ERC2: variants seen among roughly 807,000 people sequenced by gnomAD.
The protein encoded by ERC2 is ELKS/RAB6-interacting/CAST family member 2.
In ERC2, 42 loss-of-function variants were observed where a neutral mutation model predicts 114.8. The ratio of observed to expected loss-of-function variants is 0.37; its 90% CI spans 0.29 to 0.47. ERC2 has a LOEUF of 0.47. ERC2 is among the 20% of genes least tolerant of loss of function. ERC2 has a pLI of 0.99. For missense variants in ERC2, 939 were observed against 1,150.7 expected, an observed-to-expected ratio of 0.82 and a Z score of 2.66; for synonymous variants, 454 against 425.5, an observed-to-expected ratio of 1.07 and a Z score of -0.82.
At position 56,394,207 on chromosome 3, in the gene ERC2, T is replaced by A. The variant is rs569841454; in HGVS notation, c.657+40144A>T. Among the ~76,000 whole-genome samples the A allele has an allele frequency of 3.9e-5, 6 of 152,330 alleles. No homozygotes were observed. The South Asian group carries it at 1.0e-3, about 26-fold the overall frequency. On this transcript the variant is annotated intron_variant, in intron 2 of 17. Transcript: ENST00000288221. ...CCTTACTGTAGGCAAAATAAGCATGTTTAACTCTAAATTATCCAGAATAAA... is the reference window on the plus strand; with the variant it reads ...CCTTACTGTAGGCAAAATAAGCATGATTAACTCTAAATTATCCAGAATAAA...
intron 17 of ERC2, among the ~76,000 whole-genome samples, chr3:55,588,942 G>C (rs1187071475): frequency 6.6e-6 from 1 of 152,040 alleles, no homozygotes; most frequent in African/African-American, 2.4e-5. Flanking sequence ...GACCATTTTG[G>C]GGGTAACCAT....
chr3:55,619,806 G>A (rs1160115412), intron 17 of ERC2, among the ~76,000 whole-genome samples: 1 of 152,140 alleles, frequency 6.6e-6, no homozygotes, highest in Non-Finnish European at 1.5e-5. Flanking sequence ...GCCTGCCAAA[G>A]CACCATAACG....
At chr3:55,881,390 G>A (rs1289382848) in intron 14 of ERC2, among the ~76,000 whole-genome samples, 1 of 152,078 alleles carries the variant, frequency 6.6e-6, no homozygotes, top group Non-Finnish European at 1.5e-5. Flanking sequence ...GCACCATATC[G>A]TCAGATGAGT....
rs2055439186 is a variant in ERC2 at position 56,296,450 on chromosome 3, A to G, written c.658-15T>C. ...AACTGTAGGTGCTGCAATGAGAAAGATGGAGCGGGAGAGGAGAAAGAAGGA... is the reference window on the plus strand; with the variant it reads ...AACTGTAGGTGCTGCAATGAGAAAGGTGGAGCGGGAGAGGAGAAAGAAGGA... On this transcript the variant is annotated splice_polypyrimidine_tract_variant and intron_variant, in intron 2 of 17. Transcript: ENST00000288221. 6.3e-7 allele frequency: 1 copy of G among 1,595,668 alleles called. No homozygotes were observed. The highest frequency in any genetic ancestry group is 1.3e-5 in the African/African-American group (1 of 74,280).
intron 8 of ERC2, 78 bp downstream of exon 8, chr3:56,018,816 T>G: frequency 6.7e-7 from 1 of 1,501,264 alleles, no homozygotes; most frequent in Non-Finnish European, 9.1e-7. Context: ...AGCAGGCACA[T>G]TTAAATGCAT....
intron 13 of ERC2, among the ~76,000 whole-genome samples, chr3:55,899,423 C>G (rs531071785): frequency 6.6e-6 from 1 of 151,998 alleles, no homozygotes; most frequent in East Asian, 1.9e-4. Context: ...TACATATACA[C>G]AATACATACA....
At chr3:56,376,762 CAA>C (rs5849150) in intron 2 of ERC2, among the ~76,000 whole-genome samples, 35,373 of 143,036 alleles carry the variant, frequency 0.25, 4,704 homozygotes, top group Non-Finnish European at 0.31. Flanking sequence ...GACTCTGTCT[CAA>C]AAAAAAAAAA....
chr3:56,195,500 C>T (rs62255426), intron 3 of ERC2, among the ~76,000 whole-genome samples: 32 of 150,020 alleles, frequency 2.1e-4, no homozygotes, highest in East Asian at 7.9e-4. Context: ...TGCGTGTGTG[C>T]GTGTGTGTGT....
At position 56,393,721 on chromosome 3, in the gene ERC2, A is replaced by C. The variant is rs182361718; in HGVS notation, c.657+40630T>G. 3.9e-5 allele frequency among the ~76,000 whole-genome samples: 6 copies of C among 152,336 alleles called. No individual in the cohort carries two copies. The East Asian group carries it at 9.6e-4, about 24-fold the overall frequency. On this transcript the variant is annotated intron_variant, in intron 2 of 17. Coordinates refer to ENST00000288221, the MANE Select transcript of ERC2 (RefSeq NM_015576.3). Reference sequence around the variant, plus strand: ...AATAAACTGAATTGAAGAACTCAAAAATTCTCAAACCAAGAAATTTTCTCC... The same window carrying C: ...AATAAACTGAATTGAAGAACTCAAACATTCTCAAACCAAGAAATTTTCTCC...
intron 6 of ERC2, among the ~76,000 whole-genome samples, chr3:56,133,651 T>C (rs926959535): frequency 4.6e-5 from 7 of 152,126 alleles, no homozygotes; most frequent in African/African-American, 1.7e-4. Flanking sequence ...ATCTTAAAAA[T>C]AGGGGCAACA....
At chr3:55,586,769 T>C (rs2057625690) in intron 17 of ERC2, among the ~76,000 whole-genome samples, 1 of 152,248 alleles carries the variant, frequency 6.6e-6, no homozygotes, top group African/African-American at 2.4e-5. Flanking sequence ...ATTTCATTTA[T>C]TAAAAATTTT....
At chr3:55,523,731 A>C (rs1332159417) in intron 17 of ERC2, among the ~76,000 whole-genome samples, 1 of 152,240 alleles carries the variant, frequency 6.6e-6, no homozygotes, top group African/African-American at 2.4e-5. Flanking sequence ...CACAGTGGGC[A>C]TGCAATAAAT....
intron 17 of ERC2, among the ~76,000 whole-genome samples, chr3:55,641,774 C>A (rs2060197163): frequency 1.3e-5 from 2 of 152,034 alleles, no homozygotes; most frequent in Admixed American, 1.3e-4. Context: ...AAAAGAAGAG[C>A]AGAAATTTCA....
At chr3:56,220,904 G>GA (rs1363201685) in intron 3 of ERC2, among the ~76,000 whole-genome samples, 2 of 151,374 alleles carry the variant, frequency 1.3e-5, no homozygotes, top group Non-Finnish European at 1.5e-5. Context: ...TTCTGATACT[G>GA]AAAAAAAGAA....
intron 14 of ERC2, among the ~76,000 whole-genome samples, chr3:55,861,275 A>C (rs1232253341): frequency 1.3e-5 from 2 of 152,226 alleles, no homozygotes; most frequent in African/African-American, 4.8e-5. Flanking sequence ...TGAGATTCAG[A>C]TCTACCTTGC....
In ERC2 at chr3:55,786,579, C is replaced by T. The variant is rs557127170; in HGVS notation, c.2565-51661G>A. On this transcript the variant is annotated intron_variant, in intron 14 of 17. Coordinates refer to ENST00000288221, the MANE Select transcript of ERC2 (RefSeq NM_015576.3). ...ACTTTACATAAATGGTTCATTTCAC[C>T]TTCCCAATAAGCCTATTGTACTGGG... 1.5e-4 allele frequency among the ~76,000 whole-genome samples: 23 copies of T among 152,318 alleles called. No individual in the cohort carries two copies. In the South Asian group the frequency reaches 4.8e-3, roughly 32 times the overall value.
intron 13 of ERC2, among the ~76,000 whole-genome samples, chr3:55,949,213 C>CA (rs1484461609): frequency 2.6e-5 from 4 of 151,474 alleles, no homozygotes; most frequent in African/African-American, 4.9e-5. Context: ...ACTAAAAATA[C>CA]AAAAAAAATA....
chr3:55,790,090 C>T (rs538520533), intron 14 of ERC2, among the ~76,000 whole-genome samples: 8 of 152,304 alleles, frequency 5.3e-5, no homozygotes, highest in African/African-American at 1.9e-4. Flanking sequence ...GATACACTCT[C>T]ACTTGAAATC....
At chr3:56,052,837 C>A (rs974195090) in intron 7 of ERC2, among the ~76,000 whole-genome samples, 1 of 152,150 alleles carries the variant, frequency 6.6e-6, no homozygotes, top group African/African-American at 2.4e-5. Flanking sequence ...ATAGGACTGT[C>A]AGCCCTACCC....
Sources: gnomAD v4.1 joint callset for allele counts (sites outside exome capture counted in the v4.1 genomes callset) on GRCh38, gnomAD v4.1.1 for gene constraint, MANE v1.5 for transcripts, NCBI Gene and HGNC (gene_info 2026-07-23, HGNC 2026-07-21) for gene names.